PACRG: variants seen among roughly 807,000 people sequenced by gnomAD.
PACRG encodes the protein parkin coregulated.
PACRG carries 29 observed loss-of-function variants against 29.7 expected under a neutral mutation model. That is an observed-to-expected ratio of 0.98 (90% CI 0.73 to 1.33). The LOEUF (loss-of-function observed/expected upper bound fraction) is 1.33. Ranked by LOEUF, PACRG falls within the 40% of genes most tolerant of loss-of-function variation. PACRG has a pLI of 0.00. For missense variants in PACRG, 279 were observed against 316.2 expected (o/e 0.88, Z 0.89); for synonymous variants, 116 against 118.7 (o/e 0.98, Z 0.15).
chr6:162,728,308 G>A lies in PACRG; in HGVS notation c.73G>A (p.Ala25Thr). The A allele has an allele frequency of 6.2e-7, 1 of 1,613,974 alleles. No individual in the cohort carries two copies. The highest frequency in any genetic ancestry group is 2.2e-5 in the East Asian group (1 of 44,874). ...DKMPKRTKLLAQQPLPVHQPH... is the reference protein window; with the variant it reads ...DKMPKRTKLLTQQPLPVHQPH... ...GATGCCGAAGAGGACCAAGCTGCTG[G>A]CACAACAGCCGCTCCCGGTGCACCA... Residue 25 changes from alanine (A) to threonine (T), a missense_variant, in exon 1 of 5, where the codon GCA (alanine) becomes ACA (threonine). Ala to Thr is a moderately conservative substitution (Grantham distance 58). Coordinates refer to ENST00000366888, the MANE Select transcript of PACRG (RefSeq NM_001080379.2).
At chr6:163,221,074 T>C (rs1429389798) in intron 4 of PACRG, among the ~76,000 whole-genome samples, 1 of 152,196 alleles carries the variant, frequency 6.6e-6, no homozygotes, top group African/African-American at 2.4e-5. Flanking sequence ...AAAATCCTAA[T>C]GGAAATCAAG....
At chr6:162,852,005 G>GGAAGGAAAGGAAGGAAGGAAGGAAGGA (rs1562663902) in intron 2 of PACRG, among the ~76,000 whole-genome samples, 7 of 116,032 alleles carry the variant, frequency 6.0e-5, no homozygotes, top group African/African-American at 2.4e-4. Context: ...GGGAGGGAGG[G>GGAAGGAAAGGAAGGAAGGAAGGAAGGA]AGGAAGGAAG....
intron 2 of PACRG, among the ~76,000 whole-genome samples, chr6:162,919,999 G>A (rs2128092005): frequency 6.6e-6 from 1 of 152,248 alleles, no homozygotes; most frequent in South Asian, 2.1e-4. Context: ...TGACCCCCAT[G>A]TAGTCTTGGC....
At chr6:162,869,853 A>T (rs1035909699) in intron 2 of PACRG, among the ~76,000 whole-genome samples, 4 of 152,218 alleles carry the variant, frequency 2.6e-5, no homozygotes, top group African/African-American at 7.2e-5. Flanking sequence ...GTAATTAAAA[A>T]TTTACCTGAA....
chr6:163,177,709 G>GTTTTTTTTTTTTTTT (rs1562951194), intron 4 of PACRG, among the ~76,000 whole-genome samples: 4 of 33,666 alleles, frequency 1.2e-4, no homozygotes, highest in South Asian at 1.1e-3. Flanking sequence ...TTAGAAAAGG[G>GTTTTTTTTTTTTTTT]ATTTTTTTTT....
intron 4 of PACRG, among the ~76,000 whole-genome samples, chr6:163,250,774 A>C (rs1224525453): frequency 6.6e-6 from 1 of 152,004 alleles, no homozygotes; most frequent in Admixed American, 6.6e-5. Context: ...ATTTATATTT[A>C]TTTTATAGCA....
intron 4 of PACRG, among the ~76,000 whole-genome samples, chr6:163,202,865 C>T (rs1780763045): frequency 6.6e-6 from 1 of 152,134 alleles, no homozygotes; most frequent in African/African-American, 2.4e-5. Flanking sequence ...GTCGGGAGGC[C>T]AGGATCCCAA....
intron 4 of PACRG, among the ~76,000 whole-genome samples, chr6:163,195,573 T>C (rs556769577): frequency 4.4e-4 from 67 of 152,246 alleles, no homozygotes; most frequent in Non-Finnish European, 7.2e-4. Flanking sequence ...TTCCCAGAAG[T>C]GTGCTTTAAA....
chr6:162,852,001 G>GGAAGGAAGGAAAGGAAGGAAGGAAGGA (rs1554291923), intron 2 of PACRG, among the ~76,000 whole-genome samples: 29 of 100,064 alleles, frequency 2.9e-4, no homozygotes, highest in African/African-American at 9.0e-4. Context: ...GGGAGGGAGG[G>GGAAGGAAGGAAAGGAAGGAAGGAAGGA]AGGGAGGAAG....
intron 4 of PACRG, chr6:163,310,020 A>G (rs1785349615): frequency 6.6e-6 from 1 of 152,146 alleles, no homozygotes; most frequent in Admixed American, 6.5e-5. Flanking sequence ...TATTTGTTTA[A>G]TTTTTCCAGT....
chr6:163,126,334 A>G (rs1223894827), intron 4 of PACRG, among the ~76,000 whole-genome samples: 1 of 152,190 alleles, frequency 6.6e-6, no homozygotes. Flanking sequence ...CTTGAGACCA[A>G]ACACTAGAAC....
intron 4 of PACRG, among the ~76,000 whole-genome samples, chr6:163,285,546 C>T (rs1784370278): frequency 6.6e-6 from 1 of 152,218 alleles, no homozygotes; most frequent in Non-Finnish European, 1.5e-5. Context: ...TTAATCTCTG[C>T]TTCACATCAT....
intron 4 of PACRG, among the ~76,000 whole-genome samples, chr6:163,110,131 G>T (rs573921371): frequency 6.6e-6 from 1 of 152,316 alleles, no homozygotes; most frequent in East Asian, 1.9e-4. Flanking sequence ...TTCCAACTGA[G>T]AAAGGGCAGA....
At chr6:162,847,365 A>G (rs950367823) in intron 2 of PACRG, among the ~76,000 whole-genome samples, 1 of 151,894 alleles carries the variant, frequency 6.6e-6, no homozygotes, top group Admixed American at 6.6e-5. Flanking sequence ...CTTGCATGTG[A>G]CCTCTTGCAG....
intron 4 of PACRG, among the ~76,000 whole-genome samples, chr6:163,171,807 C>G (rs188581416): frequency 6.6e-6 from 1 of 152,276 alleles, no homozygotes; most frequent in Admixed American, 6.5e-5. Context: ...GGTCGGGACC[C>G]TGGACTGCAG....
At chr6:163,309,660 A>C (rs755673066) in intron 4 of PACRG, among the ~76,000 whole-genome samples, 2 of 152,134 alleles carry the variant, frequency 1.3e-5, no homozygotes, top group South Asian at 2.1e-4. Context: ...GAGTTTCCCA[A>C]GTTAGTGTTT....
At chr6:162,885,890 A>G (rs1794297049) in intron 2 of PACRG, among the ~76,000 whole-genome samples, 2 of 152,342 alleles carry the variant, frequency 1.3e-5, no homozygotes, top group South Asian at 2.1e-4. Context: ...TCCTAAAACC[A>G]AGGACATTCT....
At chr6:162,758,204 T>A (rs1388672368) in intron 1 of PACRG, among the ~76,000 whole-genome samples, 2 of 152,172 alleles carry the variant, frequency 1.3e-5, no homozygotes, top group Non-Finnish European at 2.9e-5. Context: ...AGATTTTACA[T>A]GTCATTATTT....
intron 2 of PACRG, among the ~76,000 whole-genome samples, chr6:162,899,736 T>C (rs1795422194): frequency 6.6e-6 from 1 of 152,094 alleles, no homozygotes; most frequent in Non-Finnish European, 1.5e-5. Context: ...TGGCAAGAAA[T>C]CACTGGATAC....
Sources: gnomAD v4.1 joint callset for allele counts (sites outside exome capture counted in the v4.1 genomes callset) on GRCh38, gnomAD v4.1.1 for gene constraint, MANE v1.5 for transcripts, NCBI Gene and HGNC (gene_info 2026-07-23, HGNC 2026-07-21) for gene names.